Variants in CDH12 observed in about 807,000 individuals in gnomAD.
The protein encoded by CDH12 is cadherin-12.
Under a neutral mutation model 74.1 loss-of-function variants are expected in CDH12, and 41 were observed. The ratio of observed to expected loss-of-function variants is 0.55; its 90% confidence interval spans 0.43 to 0.72. CDH12 has a LOEUF of 0.72. CDH12 is among the 30% of genes least tolerant of loss of function. The pLI is 0.00. For synonymous variants in CDH12, 399 were observed against 355.0 expected (o/e 1.12, Z -1.39); for missense variants, 945 against 977.2 (o/e 0.97, Z 0.44).
chr5:21,911,681 T>C (rs1753866046), intron 6 of CDH12, among the ~76,000 whole-genome samples: 1 of 152,142 alleles, frequency 6.6e-6, no homozygotes, highest in Non-Finnish European at 1.5e-5. Flanking sequence ...AAACATGCAG[T>C]TATAATTGTA....
intron 1 of CDH12, among the ~76,000 whole-genome samples, chr5:22,817,917 G>A (rs369187957): frequency 3.3e-4 from 50 of 152,252 alleles, no homozygotes; most frequent in Admixed American, 5.2e-4. Flanking sequence ...TAGGCATGCC[G>A]TTAGTTATAT....
At chr5:22,026,445 T>G (rs1468949553) in intron 5 of CDH12, among the ~76,000 whole-genome samples, 1 of 152,154 alleles carries the variant, frequency 6.6e-6, no homozygotes. Flanking sequence ...CCCATAAAAT[T>G]ATGAGTAAAC....
intron 1 of CDH12, among the ~76,000 whole-genome samples, chr5:22,833,660 A>G (rs1454544451): frequency 6.6e-6 from 1 of 152,190 alleles, no homozygotes; most frequent in Non-Finnish European, 1.5e-5. Flanking sequence ...GTTTTTAATT[A>G]TTTGAAAAGC....
intron 6 of CDH12, among the ~76,000 whole-genome samples, chr5:21,892,362 A>G (rs1231834243): frequency 6.6e-6 from 1 of 152,132 alleles, no homozygotes; most frequent in African/African-American, 2.4e-5. Context: ...AGAATGGAAT[A>G]CAACTTCCTT....
At chr5:21,802,523 C>G in intron 9 of CDH12, 103 bp from the exon 10 acceptor site, 1 of 954,112 alleles carries the variant, frequency 1.0e-6, no homozygotes, top group South Asian at 1.6e-5. Flanking sequence ...ATCAATTATA[C>G]TGGTTTAAAA....
intron 4 of CDH12, among the ~76,000 whole-genome samples, chr5:22,129,780 T>C (rs1021427173): frequency 4.6e-5 from 7 of 152,080 alleles, no homozygotes; most frequent in Non-Finnish European, 1.0e-4. Context: ...GTGGTATTAT[T>C]ACTTAGCAAC....
At chr5:22,077,877 A>C (rs1305953983) in intron 5 of CDH12, among the ~76,000 whole-genome samples, 1 of 152,180 alleles carries the variant, frequency 6.6e-6, no homozygotes, top group African/African-American at 2.4e-5. Flanking sequence ...ACACTTATAA[A>C]TATCTGCTGA....
intron 3 of CDH12, among the ~76,000 whole-genome samples, chr5:22,391,562 T>C (rs1663323): frequency 0.35 from 52,568 of 151,952 alleles, 10,359 homozygotes; most frequent in Admixed American, 0.46. Flanking sequence ...TTTATGCCAA[T>C]ACGTTAAGTA....
intron 8 of CDH12, among the ~76,000 whole-genome samples, chr5:21,841,619 C>G (rs1311229522): frequency 6.6e-6 from 1 of 150,794 alleles, no homozygotes; most frequent in Non-Finnish European, 1.5e-5. Flanking sequence ...AAATGTCCAA[C>G]AATGATAGAC....
At chr5:21,950,943 C>T (rs1755833497) in intron 6 of CDH12, among the ~76,000 whole-genome samples, 3 of 150,852 alleles carry the variant, frequency 2.0e-5, no homozygotes, top group South Asian at 2.1e-4. Flanking sequence ...CCCACCACCA[C>T]GCCCAGCTAA....
intron 2 of CDH12, among the ~76,000 whole-genome samples, chr5:22,495,337 T>C (rs1016743180): frequency 2.6e-5 from 4 of 152,180 alleles, no homozygotes; most frequent in Admixed American, 6.5e-5. Flanking sequence ...TTTTTGAACA[T>C]TGATTATGTT....
At chr5:22,630,374 C>G (rs1329264454) in intron 1 of CDH12, among the ~76,000 whole-genome samples, 1 of 151,890 alleles carries the variant, frequency 6.6e-6, no homozygotes, top group Non-Finnish European at 1.5e-5. Context: ...CTGGAGGTAC[C>G]ACATTATCCA....
At chr5:21,865,526 T>G (rs545577337) in intron 6 of CDH12, among the ~76,000 whole-genome samples, 1 of 152,098 alleles carries the variant, frequency 6.6e-6, no homozygotes, top group Non-Finnish European at 1.5e-5. Flanking sequence ...AGATCCAGAG[T>G]GCCCTCCACA....
chr5:22,218,743 A>C (rs1435374137), intron 3 of CDH12, among the ~76,000 whole-genome samples: 5 of 151,760 alleles, frequency 3.3e-5, no homozygotes, highest in Admixed American at 6.6e-5. Flanking sequence ...ACCTCAATAA[A>C]GTTGCACAAA....
intron 1 of CDH12, among the ~76,000 whole-genome samples, chr5:22,756,087 C>T (rs575473531): frequency 8.2e-6 from 1 of 121,942 alleles, no homozygotes; most frequent in African/African-American, 3.1e-5. Context: ...TGGATCCTAA[C>T]TTCAAGGACC....
intron 2 of CDH12, among the ~76,000 whole-genome samples, chr5:22,446,856 A>C (rs973450416): frequency 6.6e-6 from 1 of 152,120 alleles, no homozygotes; most frequent in African/African-American, 2.4e-5. Flanking sequence ...TTATAATGTA[A>C]CTTTTTATGT....
intron 8 of CDH12, among the ~76,000 whole-genome samples, chr5:21,817,946 C>CA (rs914004664): frequency 1.3e-5 from 2 of 151,604 alleles, no homozygotes; most frequent in East Asian, 1.9e-4. Context: ...TAATACTCTA[C>CA]AAAAAAATAA....
At chr5:22,295,745 A>C (rs916706124) in intron 3 of CDH12, among the ~76,000 whole-genome samples, 5 of 152,246 alleles carry the variant, frequency 3.3e-5, no homozygotes, top group African/African-American at 1.2e-4. Context: ...ACTAAACATT[A>C]AGAAAAATAA....
At chr5:22,535,490 CT>C (rs1737805558) in intron 1 of CDH12, among the ~76,000 whole-genome samples, 1 of 152,078 alleles carries the variant, frequency 6.6e-6, no homozygotes, top group African/African-American at 2.4e-5. Flanking sequence ...ACATTTGATG[CT>C]TTTAGAAAAA....
Sources: allele counts gnomAD v4.1 joint callset (sites outside exome capture counted in the v4.1 genomes callset), GRCh38; gene constraint gnomAD v4.1.1; transcripts MANE v1.5; gene names NCBI Gene and HGNC (gene_info 2026-07-23, HGNC 2026-07-21).